Variants in LRRC4C observed in about 807,000 individuals in gnomAD.
The protein encoded by LRRC4C is leucine-rich repeat-containing protein 4C.
In LRRC4C, 5 loss-of-function variants were observed where a neutral mutation model predicts 33.6. That is an observed-to-expected ratio of 0.15 (90% confidence interval 0.08 to 0.31). LRRC4C has a LOEUF of 0.31. Ranked by LOEUF, LRRC4C falls within the 10% of genes least tolerant of loss-of-function variation. LRRC4C has a pLI of 1.00. For synonymous variants in LRRC4C, 329 were observed against 302.0 expected (o/e 1.09, Z -0.93); for missense variants, 560 against 796.7 (o/e 0.70, Z 3.58).
intron 2 of LRRC4C, among the ~76,000 whole-genome samples, chr11:40,751,354 T>C (rs1191228632): frequency 6.6e-6 from 1 of 152,120 alleles, no homozygotes; most frequent in Non-Finnish European, 1.5e-5. Flanking sequence ...TATAATCTTA[T>C]ATTTAGAAAA....
intron 1 of LRRC4C, among the ~76,000 whole-genome samples, chr11:41,099,671 G>T (rs772895158): frequency 1.4e-4 from 22 of 152,088 alleles, no homozygotes; most frequent in Non-Finnish European, 2.4e-4. Context: ...CTATAAACCA[G>T]ATATTAAAGA....
intron 1 of LRRC4C, among the ~76,000 whole-genome samples, chr11:41,281,364 A>G (rs1949673274): frequency 6.6e-6 from 1 of 152,186 alleles, no homozygotes; most frequent in Non-Finnish European, 1.5e-5. Flanking sequence ...ATTTGTAAAG[A>G]TGCAGGCAAC....
chr11:40,384,695 T>A (rs879346214), intron 3 of LRRC4C, among the ~76,000 whole-genome samples: 1 of 152,160 alleles, frequency 6.6e-6, no homozygotes, highest in Non-Finnish European at 1.5e-5. Context: ...ACATTTTGCT[T>A]TCTCTAGAAT....
intron 3 of LRRC4C, among the ~76,000 whole-genome samples, chr11:40,539,385 T>A (rs1956610685): frequency 6.6e-6 from 1 of 152,182 alleles, no homozygotes; most frequent in South Asian, 2.1e-4. Flanking sequence ...CTTTTCTATC[T>A]GCTAGAATCC....
chr11:41,148,750 T>A (rs1391049040), intron 1 of LRRC4C, among the ~76,000 whole-genome samples: 1 of 152,030 alleles, frequency 6.6e-6, no homozygotes, highest in Non-Finnish European at 1.5e-5. Context: ...TACAAGCAGA[T>A]GATCTTGGCT....
At chr11:40,219,170 C>T (rs1396730607) in intron 5 of LRRC4C, among the ~76,000 whole-genome samples, 1 of 152,120 alleles carries the variant, frequency 6.6e-6, no homozygotes, top group Non-Finnish European at 1.5e-5. Context: ...AATTTAAATT[C>T]ATTGAAACAA....
intron 3 of LRRC4C, among the ~76,000 whole-genome samples, chr11:40,332,293 A>G (rs751614118): frequency 1.3e-5 from 2 of 152,108 alleles, no homozygotes; most frequent in Admixed American, 6.5e-5. Context: ...AACTCCACGC[A>G]TCCCTTGGTT....
At chr11:40,981,791 G>T (rs987193000) in intron 1 of LRRC4C, among the ~76,000 whole-genome samples, 6 of 152,080 alleles carry the variant, frequency 3.9e-5, no homozygotes, top group African/African-American at 1.2e-4. Flanking sequence ...TTTTAAAAAA[G>T]TAGTTACAAT....
chr11:40,679,091 A>G (rs984040663), intron 2 of LRRC4C, among the ~76,000 whole-genome samples: 1 of 152,148 alleles, frequency 6.6e-6, no homozygotes, highest in Non-Finnish European at 1.5e-5. Flanking sequence ...CTTGTTGGGA[A>G]CTAGAGCAAA....
At chr11:40,305,514 AAGCTGT>A (rs1453526078) in intron 4 of LRRC4C, among the ~76,000 whole-genome samples, 1 of 152,184 alleles carries the variant, frequency 6.6e-6, no homozygotes, top group African/African-American at 2.4e-5. Context: ...AGAAGGCAAC[AAGCTGT>A]TTCTGTAGCA....
intron 2 of LRRC4C, among the ~76,000 whole-genome samples, chr11:40,852,135 T>C (rs1345895604): frequency 2.0e-5 from 3 of 152,098 alleles, no homozygotes; most frequent in Non-Finnish European, 2.9e-5. Flanking sequence ...CTAGATTTTT[T>C]TTTTTTTCCA....
chr11:41,248,210 C>T (rs1948516457), intron 1 of LRRC4C, among the ~76,000 whole-genome samples: 1 of 152,098 alleles, frequency 6.6e-6, no homozygotes, highest in South Asian at 2.1e-4. Context: ...ACTTCTTTAC[C>T]AATATCCATA....
rs141040191 is a variant in LRRC4C, at chr11:41,360,317, C to T, written c.-496+99114G>A. On this transcript the variant is annotated intron_variant, in intron 1 of 6. Coordinates refer to ENST00000528697, the MANE Select transcript of LRRC4C (RefSeq NM_001258419.2). ...CACTTTCCAACTTCCCATAATACTA[C>T]TGAACTTTAATCACTATACCTACAT... Among the ~76,000 whole-genome samples, 284 of 152,260 alleles carry T rather than the reference C, an allele frequency of 1.9e-3. 1 individual carries two copies. In the Middle Eastern group the frequency reaches 0.031, roughly 16 times the overall value.
intron 3 of LRRC4C, among the ~76,000 whole-genome samples, chr11:40,501,907 CT>C (rs1365197068): frequency 6.6e-6 from 1 of 152,156 alleles, no homozygotes; most frequent in East Asian, 1.9e-4. Flanking sequence ...ATTTTCTGAA[CT>C]TTTATGCTCT....
At chr11:41,326,672 TGATACACAGCAAGATACA>T (rs1184845674) in intron 1 of LRRC4C, among the ~76,000 whole-genome samples, 9 of 152,212 alleles carry the variant, frequency 5.9e-5, no homozygotes, top group African/African-American at 2.2e-4. Context: ...TTTTCTGCCA[TGATACACAGCAAGATACA>T]GATTTTGCAC....
intron 1 of LRRC4C, among the ~76,000 whole-genome samples, chr11:41,090,554 G>A (rs945645826): frequency 7.2e-5 from 11 of 152,098 alleles, no homozygotes; most frequent in African/African-American, 2.4e-4. Context: ...TTCTACCACT[G>A]ACTAATGCAG....
chr11:40,901,556 GT>G (rs1190455722), intron 2 of LRRC4C, among the ~76,000 whole-genome samples: 6 of 151,822 alleles, frequency 4.0e-5, no homozygotes, highest in South Asian at 2.1e-4. Flanking sequence ...ACCTCTACCA[GT>G]TTTTTTTCTC....
chr11:40,978,042 C>A (rs1852209947), intron 1 of LRRC4C, among the ~76,000 whole-genome samples: 2 of 152,200 alleles, frequency 1.3e-5, no homozygotes, highest in Admixed American at 6.6e-5. Flanking sequence ...TATCACCAAA[C>A]CCTGTATTTT....
chr11:40,167,069 CA>C (rs1023444504), intron 5 of LRRC4C, among the ~76,000 whole-genome samples: 1 of 152,140 alleles, frequency 6.6e-6, no homozygotes, highest in Non-Finnish European at 1.5e-5. Context: ...ACAATTAAAG[CA>C]CTTCCAATGT....
Sources: gnomAD v4.1 joint callset for allele counts (sites outside exome capture counted in the v4.1 genomes callset) on GRCh38, gnomAD v4.1.1 for gene constraint, MANE v1.5 for transcripts, NCBI Gene and HGNC (gene_info 2026-07-23, HGNC 2026-07-21) for gene names.